Variants in TIAM1 observed in about 807,000 individuals in gnomAD.
The protein encoded by TIAM1 is rho guanine nucleotide exchange factor TIAM1.
Under a neutral mutation model 163.5 loss-of-function variants are expected in TIAM1, and 65 were observed. The ratio of observed to expected loss-of-function variants is 0.40; its 90% CI spans 0.33 to 0.49. The LOEUF is 0.49. Among genes scored for constraint, TIAM1 ranks in the 20% least tolerant of loss-of-function variants. The pLI, the probability that TIAM1 is intolerant of heterozygous loss-of-function variation, is 0.77. For synonymous variants in TIAM1, 833 were observed against 810.1 expected (o/e 1.03, Z -0.48); for missense variants, 1,789 against 2,044.7 (o/e 0.87, Z 2.41).
chr21:31,118,856 G>GGAA lies in TIAM1; in HGVS notation c.*1509_*1511dup. On this transcript the variant is annotated 3_prime_UTR_variant, in exon 28 of 28. Transcript: ENST00000541036. Reference sequence around the variant, plus strand: ...GGGGGGAATACAGGGTGGGAACGCAGGAAAAGCAGGCAGAGGCACAAGAGC... The same window carrying GGAA: ...GGGGGGAATACAGGGTGGGAACGCAGGAAGAAAAGCAGGCAGAGGCACAAGAGC... 5.9e-6 allele frequency: 2 copies of GGAA among 339,006 alleles called. No individual in the cohort carries two copies. The highest frequency in any genetic ancestry group is 1.6e-4 in the East Asian group (2 of 12,684). The allele number at this position is 339,006 out of a possible 1,614,324, so 21.0% of individuals were successfully genotyped here. A position where few individuals can be genotyped will look rare whatever the true frequency, so the allele number is the denominator to read the frequency against.
intron 8 of TIAM1, among the ~76,000 whole-genome samples, chr21:31,219,010 C>A (rs2087386731): frequency 6.7e-6 from 1 of 148,690 alleles, no homozygotes; most frequent in Non-Finnish European, 1.5e-5. Context: ...GCCAGCAACC[C>A]AGAGAAGCAT....
At chr21:31,129,522 T>C (rs948359397) in intron 25 of TIAM1, among the ~76,000 whole-genome samples, 3 of 152,188 alleles carry the variant, frequency 2.0e-5, no homozygotes, top group Non-Finnish European at 4.4e-5. Context: ...CTACAAAATA[T>C]TTAAAAAATT....
chr21:31,275,114 G>C (rs2073238775), intron 3 of TIAM1, among the ~76,000 whole-genome samples: 1 of 146,196 alleles, frequency 6.8e-6, no homozygotes, highest in African/African-American at 2.5e-5. Context: ...AGAGCAAAAT[G>C]CTGTCTCAAG....
chr21:31,198,166 A>C (rs1199538404), intron 12 of TIAM1, among the ~76,000 whole-genome samples: 1 of 152,248 alleles, frequency 6.6e-6, no homozygotes, highest in African/African-American at 2.4e-5. Flanking sequence ...ACTTGCCCGT[A>C]TCCCTGACCA....
rs370288928 is a variant in TIAM1 at position 31,384,634 on chromosome 21, G to T, written c.-368-45212C>A. The stretch of plus-strand genomic sequence containing the variant: ...CTTGAATTATTCTGTATCGTCTCTT[G>T]TACTTCAGGATCATACAGCTTGAGT... On this transcript the variant is annotated intron_variant, in intron 2 of 28. Coordinates refer to the TIAM1 transcript ENST00000286827. 6.6e-4 allele frequency among the ~76,000 whole-genome samples: 100 copies of T among 152,170 alleles called. 2 individuals are homozygous for T. The East Asian group carries it at 0.011, about 17-fold the overall frequency.
intron 2 of TIAM1, among the ~76,000 whole-genome samples, chr21:31,393,256 C>T (rs1412594094): frequency 6.6e-6 from 1 of 152,154 alleles, no homozygotes; most frequent in Non-Finnish European, 1.5e-5. Context: ...GTGCCCAGCC[C>T]TCGCTTTAAA....
Position 31,296,906 on chromosome 21 carries a change from G to A in TIAM1, c.-188-19998C>T, listed in dbSNP as rs139897599. ...TCTTGATTTCCTGACCTCATAATCC[G>A]CCCGCCTTGGCCTCCCAAAATGCTG... is the stretch of plus-strand genomic sequence containing the variant. On this transcript the variant is annotated intron_variant, in intron 2 of 27. Coordinates refer to ENST00000541036, the MANE Select transcript of TIAM1 (RefSeq NM_001353694.2). 4.2e-3 allele frequency among the ~76,000 whole-genome samples: 646 copies of A among 152,216 alleles called. 5 individuals are homozygous for A. The highest frequency in any genetic ancestry group is 0.015 in the African/African-American group (611 of 41,532).
intron 3 of TIAM1, among the ~76,000 whole-genome samples, chr21:31,268,176 C>T (rs2072889112): frequency 6.6e-6 from 1 of 152,200 alleles, no homozygotes; most frequent in African/African-American, 2.4e-5. Flanking sequence ...TAGAGCCATT[C>T]ATTCAGAAAA....
intron 2 of TIAM1, among the ~76,000 whole-genome samples, chr21:31,326,739 T>C (rs2147050148): frequency 6.6e-6 from 1 of 152,352 alleles, no homozygotes; most frequent in South Asian, 2.1e-4. Context: ...CCTAAGTTTC[T>C]TGCAGTGGTG....
At chr21:31,263,037 C>A (rs1227047788) in intron 4 of TIAM1, among the ~76,000 whole-genome samples, 1 of 152,186 alleles carries the variant, frequency 6.6e-6, no homozygotes, top group Admixed American at 6.5e-5. Flanking sequence ...AGTGGGCTCT[C>A]AAGAAATAGC....
intron 1 of TIAM1, among the ~76,000 whole-genome samples, chr21:31,544,531 G>A (rs2048425601): frequency 6.6e-6 from 1 of 152,148 alleles, no homozygotes; most frequent in Non-Finnish European, 1.5e-5. Flanking sequence ...AGGAGGCTGA[G>A]GCAGGAGAAT....
intron 2 of TIAM1, among the ~76,000 whole-genome samples, chr21:31,431,434 C>G (rs1305757973): frequency 6.6e-6 from 1 of 152,192 alleles, no homozygotes; most frequent in African/African-American, 2.4e-5. Flanking sequence ...GCTGATGTTG[C>G]TGGTCTGGGA....
chr21:31,432,547 C>A lies in TIAM1; in HGVS notation c.-369+31436G>T, dbSNP rs564744114. On this transcript the variant is annotated intron_variant, in intron 2 of 28. Transcript: ENST00000286827. ...AGTGACCATGGCCTTCCCAGACACA[C>A]TCTCCGGCCAGTTTGTGAAAAAGCC... is the stretch of plus-strand genomic sequence containing the variant. Among the ~76,000 whole-genome samples the A allele has an allele frequency of 4.6e-5, 7 of 152,336 alleles. No individual in the cohort carries two copies. In the South Asian group the frequency reaches 1.2e-3, roughly 27 times the overall value.
rs545201808 is a variant in TIAM1 at position 31,459,673 on chromosome 21, G to T, written c.-369+4310C>A. ...AAGCTATTAATAACTTTCTCCAACA[G>T]GCTGGGACTCTGGGATTTTACCATC... On this transcript the variant is annotated intron_variant, in intron 2 of 28. Transcript: ENST00000286827. 1.8e-4 allele frequency among the ~76,000 whole-genome samples: 27 copies of T among 152,308 alleles called. 1 individual carries two copies. In the South Asian group the frequency reaches 5.6e-3, roughly 32 times the overall value.
chr21:31,279,371 G>A (rs2146868500), intron 2 of TIAM1, among the ~76,000 whole-genome samples: 1 of 152,304 alleles, frequency 6.6e-6, no homozygotes, highest in Non-Finnish European at 1.5e-5. Context: ...CCTTACAGCA[G>A]GTTAATTGTC....
At chr21:31,404,536 CTTT>C (rs35784628) in intron 2 of TIAM1, among the ~76,000 whole-genome samples, 1 of 139,912 alleles carries the variant, frequency 7.1e-6, no homozygotes, top group Admixed American at 7.2e-5. Flanking sequence ...CCAGTATGGT[CTTT>C]TTTTTTTTTT....
intron 2 of TIAM1, among the ~76,000 whole-genome samples, chr21:31,436,910 A>G (rs1311485344): frequency 2.6e-5 from 4 of 152,218 alleles, no homozygotes; most frequent in East Asian, 1.9e-4. Context: ...CTGAGCTGAG[A>G]TCACTCCACT....
intron 2 of TIAM1, among the ~76,000 whole-genome samples, chr21:31,304,437 G>C: frequency 6.6e-6 from 1 of 152,300 alleles, no homozygotes; most frequent in Non-Finnish European, 1.5e-5. Flanking sequence ...TTCATTGGAA[G>C]CTATCAGGAA....
At chr21:31,363,857 CTGAAACCACACAACATGCAA>C (rs2076451334) in intron 2 of TIAM1, among the ~76,000 whole-genome samples, 1 of 152,040 alleles carries the variant, frequency 6.6e-6, no homozygotes, top group African/African-American at 2.4e-5. Context: ...GGAAGTATCT[CTGAAACCACACAACATGCAA>C]TGAAACCACA....
Sources: gnomAD v4.1 joint callset for allele counts (sites outside exome capture counted in the v4.1 genomes callset) on GRCh38, gnomAD v4.1.1 for gene constraint, MANE v1.5 for transcripts, NCBI Gene and HGNC (gene_info 2026-07-23, HGNC 2026-07-21) for gene names.